Variants in CHL1 observed in about 807,000 individuals in gnomAD.
CHL1 encodes cell adhesion molecule L1 like.
Under a neutral mutation model 141.9 loss-of-function variants are expected in CHL1, and 96 were observed. The observed-to-expected ratio is 0.68, with a 90% confidence interval of 0.57 to 0.80. CHL1 has a LOEUF of 0.80. Ranked by LOEUF, CHL1 falls within the 30% of genes least tolerant of loss-of-function variation. The probability of loss-of-function intolerance (pLI) is 0.00; values close to 1 mark genes in which losing one functional copy is unlikely to be tolerated. For synonymous variants in CHL1, 613 were observed against 502.2 expected (o/e 1.22, Z -2.95); for missense variants, 1,820 against 1,457.2 (o/e 1.25, Z -4.05).
chr3:309,590 G>C (rs145984689), intron 2 of CHL1, among the ~76,000 whole-genome samples: 1 of 151,034 alleles, frequency 6.6e-6, no homozygotes, highest in East Asian at 2.0e-4. Flanking sequence ...GCTCACTCTA[G>C]CCCGAAACTC....
intron 10 of CHL1, among the ~76,000 whole-genome samples, chr3:351,355 G>A (rs555210624): frequency 1.3e-5 from 2 of 152,122 alleles, no homozygotes; most frequent in Admixed American, 6.6e-5. Context: ...TCTCTCTTTA[G>A]TAAGAAACTA....
intron 2 of CHL1, among the ~76,000 whole-genome samples, chr3:284,855 T>C (rs1299009988): frequency 6.6e-6 from 1 of 152,118 alleles, no homozygotes; most frequent in African/African-American, 2.4e-5. Flanking sequence ...TATGAGTACG[T>C]GGATTCATTT....
At chr3:226,207 A>T (rs1276408044) in intron 1 of CHL1, among the ~76,000 whole-genome samples, 1 of 149,874 alleles carries the variant, frequency 6.7e-6, no homozygotes, top group East Asian at 2.0e-4. Flanking sequence ...TTTTTAGTAG[A>T]GACGGGGTTT....
chr3:361,063 T>A (rs1342098307), intron 12 of CHL1, among the ~76,000 whole-genome samples: 1 of 152,082 alleles, frequency 6.6e-6, no homozygotes, highest in African/African-American at 2.4e-5. Context: ...CGTGTGCAGG[T>A]GTCTTTATAG....
At chr3:258,591 A>G (rs750523037) in intron 2 of CHL1, among the ~76,000 whole-genome samples, 14 of 152,178 alleles carry the variant, frequency 9.2e-5, no homozygotes, top group Non-Finnish European at 1.6e-4. Context: ...TTTTTTCTTC[A>G]AGAAAACATT....
At chr3:390,603 G>C in intron 20 of CHL1, 98 bp from the exon 21 acceptor site, 3 of 688,050 alleles carry the variant, frequency 4.4e-6, no homozygotes, top group Non-Finnish European at 7.6e-6. Flanking sequence ...TCACAAAAGT[G>C]CTTTCTCCAG....
chr3:326,462 A>G (rs1701021781), intron 4 of CHL1, among the ~76,000 whole-genome samples: 1 of 151,956 alleles, frequency 6.6e-6, no homozygotes, highest in African/African-American at 2.4e-5. Context: ...GTGCGTCTTT[A>G]AATTTAAACA....
intron 1 of CHL1, among the ~76,000 whole-genome samples, chr3:240,789 G>A (rs1428058597): frequency 1.3e-5 from 2 of 152,030 alleles, no homozygotes; most frequent in African/African-American, 2.4e-5. Context: ...AGGAGATGAG[G>A]ATCCAGTTTC....
chr3:238,000 G>A (rs545337602), intron 1 of CHL1, among the ~76,000 whole-genome samples: 23 of 152,194 alleles, frequency 1.5e-4, no homozygotes, highest in African/African-American at 5.3e-4. Context: ...CATTAACAAA[G>A]TATCGTATTT....
At chr3:227,467 T>C (rs1701456693) in intron 1 of CHL1, among the ~76,000 whole-genome samples, 1 of 152,184 alleles carries the variant, frequency 6.6e-6, no homozygotes, top group South Asian at 2.1e-4. Context: ...GACTGTTACA[T>C]GAAAATGAGG....
chr3:382,378 A>G, intron 17 of CHL1, 96 bp from the exon 18 acceptor site: 2 of 1,460,502 alleles, frequency 1.4e-6, no homozygotes, highest in Non-Finnish European at 1.9e-6. Flanking sequence ...TTCTTCTTAT[A>G]ACATCCTTTT....
At chr3:339,777 A>C (rs1010328609) in intron 5 of CHL1, among the ~76,000 whole-genome samples, 3 of 152,190 alleles carry the variant, frequency 2.0e-5, no homozygotes, top group African/African-American at 7.2e-5. Context: ...CTCAAGAAGA[A>C]ATTTTACAGT....
At chr3:390,599 A>C in intron 20 of CHL1, 102 bp from the exon 21 acceptor site, 1 of 675,796 alleles carries the variant, frequency 1.5e-6, no homozygotes, top group East Asian at 2.7e-5. Context: ...AATTTCACAA[A>C]AGTGCTTTCT....
At chr3:202,896 A>G (rs900266135) in intron 1 of CHL1, among the ~76,000 whole-genome samples, 1 of 152,230 alleles carries the variant, frequency 6.6e-6, no homozygotes. Context: ...CCTGATTTGC[A>G]GATGAATGTG....
At chr3:255,685 T>C (rs367673932) in intron 2 of CHL1, among the ~76,000 whole-genome samples, 5 of 152,212 alleles carry the variant, frequency 3.3e-5, no homozygotes, top group East Asian at 3.8e-4. Context: ...AAGCTTTATT[T>C]TCTTGCATAG....
chr3:356,071 T>C (rs973529767), intron 11 of CHL1, among the ~76,000 whole-genome samples: 1 of 152,190 alleles, frequency 6.6e-6, no homozygotes. Context: ...GGTATTGTTT[T>C]CCCATAACAG....
At chr3:338,835 C>A (rs1702138674) in intron 5 of CHL1, among the ~76,000 whole-genome samples, 1 of 152,126 alleles carries the variant, frequency 6.6e-6, no homozygotes, top group African/African-American at 2.4e-5. Context: ...ATTGTATAAT[C>A]TAGATTTAAT....
At chr3:205,953 C>T (rs1270358562) in intron 1 of CHL1, among the ~76,000 whole-genome samples, 2 of 152,188 alleles carry the variant, frequency 1.3e-5, no homozygotes, top group East Asian at 3.8e-4. Flanking sequence ...AGAATTCAAA[C>T]TCAGAAGTGT....
chr3:220,278 T>C (rs2124971368), intron 1 of CHL1, among the ~76,000 whole-genome samples: 1 of 152,332 alleles, frequency 6.6e-6, no homozygotes, highest in Non-Finnish European at 1.5e-5. Flanking sequence ...TTGTGATGTA[T>C]GTAAATTAAA....
Sources: allele counts gnomAD v4.1 joint callset (sites outside exome capture counted in the v4.1 genomes callset), GRCh38; gene constraint gnomAD v4.1.1; transcripts MANE v1.5; gene names NCBI Gene and HGNC (gene_info 2026-07-23, HGNC 2026-07-21).